CNTNAP2: variants seen among roughly 807,000 people sequenced by gnomAD.
The protein encoded by CNTNAP2 is contactin associated protein 2, also known as contactin-associated protein-like 2.
A neutral mutation model predicts 155.2 loss-of-function variants in CNTNAP2; 98 were observed. The ratio of observed to expected loss-of-function variants is 0.63; its 90% CI spans 0.54 to 0.75. CNTNAP2 has a LOEUF of 0.75. CNTNAP2 is among the 30% of genes least tolerant of loss of function. The pLI, the probability that CNTNAP2 is intolerant of heterozygous loss-of-function variation, is 0.00. For synonymous variants in CNTNAP2, 651 were observed against 631.2 expected, an observed-to-expected ratio of 1.03 and a Z score of -0.47; for missense variants, 1,727 against 1,688.1, an observed-to-expected ratio of 1.02 and a Z score of -0.40.
intron 1 of CNTNAP2, among the ~76,000 whole-genome samples, chr7:146,700,130 T>C (rs1384697772): frequency 2.2e-4 from 33 of 152,156 alleles, no homozygotes; most frequent in Admixed American, 2.2e-3. Context: ...CTTCCAAGAC[T>C]GGACCTCAAA....
At chr7:148,061,758 A>G (rs1803135388) in intron 15 of CNTNAP2, among the ~76,000 whole-genome samples, 1 of 152,090 alleles carries the variant, frequency 6.6e-6, no homozygotes. Flanking sequence ...CAGAAAGACT[A>G]AACAATATAA....
At chr7:146,960,445 T>C (rs1797533707) in intron 3 of CNTNAP2, among the ~76,000 whole-genome samples, 1 of 152,154 alleles carries the variant, frequency 6.6e-6, no homozygotes, top group African/African-American at 2.4e-5. Context: ...GTGCCTGTGC[T>C]GATTAAACTA....
intron 13 of CNTNAP2, among the ~76,000 whole-genome samples, chr7:147,842,008 T>C (rs1431339490): frequency 6.6e-6 from 1 of 152,228 alleles, no homozygotes; most frequent in African/African-American, 2.4e-5. Flanking sequence ...ACACAGTTTA[T>C]ATTGGTCAAA....
At position 147,879,349 on chromosome 7, in the gene CNTNAP2, C is replaced by G. The variant is rs79670010; in HGVS notation, c.2099-24216C>G. On this transcript the variant is annotated intron_variant, in intron 13 of 23. Transcript: ENST00000361727. ...GTCACAAAGCAGCTCTTTCCAGGAG[C>G]AAAATGAAGTTGTCAAGCAAGTATT... 2.7e-3 allele frequency among the ~76,000 whole-genome samples: 410 copies of G among 152,232 alleles called. 1 individual carries two copies. Among genetic ancestry groups the G allele is most frequent in the African/African-American group, 9.3e-3 (387 of 41,524 alleles).
chr7:148,097,982 A>G lies in CNTNAP2; in HGVS notation c.2384-20136A>G, dbSNP rs534552312. On this transcript the variant is annotated intron_variant, in intron 15 of 23. Coordinates refer to ENST00000361727, the MANE Select transcript of CNTNAP2 (RefSeq NM_014141.6). ...TACATGCTATAAAAATTACATGGAT[A>G]GAGAATGACCAAAGATGACTAGATT... Among the ~76,000 whole-genome samples, 10 of 152,356 alleles carry G rather than the reference A, an allele frequency of 6.6e-5. No individual in the cohort carries two copies. In the South Asian group the frequency reaches 1.4e-3, roughly 22 times the overall value.
chr7:147,621,478 TAAA>T (rs1794851627), intron 12 of CNTNAP2, among the ~76,000 whole-genome samples: 6 of 151,920 alleles, frequency 3.9e-5, no homozygotes, highest in Middle Eastern at 3.4e-3. Flanking sequence ...AACAAAAAGT[TAAA>T]AAGCAGAAGG....
chr7:148,292,522 A>G (rs1797205938), intron 21 of CNTNAP2, among the ~76,000 whole-genome samples: 1 of 152,218 alleles, frequency 6.6e-6, no homozygotes, highest in Non-Finnish European at 1.5e-5. Context: ...TGCTGAAGCC[A>G]CCAGCAGAGC....
In CNTNAP2 at chr7:148,375,575, G is replaced by A. The variant is rs995540876; in HGVS notation, c.3476-8074G>A. On this transcript the variant is annotated intron_variant, in intron 21 of 23. Transcript: ENST00000361727. ...GGGGTTTCACCATGTTGGCCAGGCT[G>A]GTCTCAAACTCCTGACCTCGTGATC... 1.3e-4 allele frequency among the ~76,000 whole-genome samples: 19 copies of A among 150,486 alleles called. No individual in the cohort carries two copies. The South Asian group carries it at 2.3e-3, about 18-fold the overall frequency.
chr7:147,082,705 T>C (rs1800161509), intron 4 of CNTNAP2: 2 of 152,204 alleles, frequency 1.3e-5, no homozygotes, highest in South Asian at 2.1e-4. Flanking sequence ...GTTTAATCTT[T>C]AGTTCTTACT....
At chr7:147,413,633 AT>A (rs1462773660) in intron 10 of CNTNAP2, among the ~76,000 whole-genome samples, 2 of 152,160 alleles carry the variant, frequency 1.3e-5, no homozygotes, top group African/African-American at 2.4e-5. Context: ...ACTTCTCAAT[AT>A]TTTAGGTGCA....
chr7:147,546,647 C>G (rs545900739), intron 11 of CNTNAP2, among the ~76,000 whole-genome samples: 1 of 152,080 alleles, frequency 6.6e-6, no homozygotes. Context: ...TTGTGTGACC[C>G]CTTGGAGCTT....
intron 17 of CNTNAP2, among the ~76,000 whole-genome samples, chr7:148,164,611 CTTTTTTTTTT>C (rs1175888434): frequency 2.1e-5 from 2 of 93,486 alleles, no homozygotes; most frequent in Admixed American, 1.3e-4. Flanking sequence ...TTTTCTCTCT[CTTTTTTTTTT>C]TTTTTTTTTT....
intron 1 of CNTNAP2, among the ~76,000 whole-genome samples, chr7:146,713,187 G>C (rs1801129060): frequency 6.6e-6 from 1 of 152,072 alleles, no homozygotes. Flanking sequence ...AATACTGAAA[G>C]AATTAACAGA....
At chr7:146,635,767 T>C (rs1429789715) in intron 1 of CNTNAP2, among the ~76,000 whole-genome samples, 2 of 151,894 alleles carry the variant, frequency 1.3e-5, no homozygotes, top group Non-Finnish European at 2.9e-5. Context: ...AGTCCTCCTT[T>C]TCTGCCTTTG....
At chr7:148,029,931 G>A (rs971582361) in intron 15 of CNTNAP2, among the ~76,000 whole-genome samples, 31 of 152,314 alleles carry the variant, frequency 2.0e-4, no homozygotes, top group Admixed American at 2.0e-4. Flanking sequence ...AGAACAGGGA[G>A]ATGTTCTAAG....
chr7:148,329,026 G>A lies in CNTNAP2; in HGVS notation c.3476-54623G>A, dbSNP rs1797941985. ...GGCCCAAACCATCCCAGGGAATTCA[G>A]TTCAAGCCACTTCTCCCTCACTGTG... On this transcript the variant is annotated intron_variant, in intron 21 of 23. Transcript: ENST00000361727. 2.1e-5 allele frequency among the ~76,000 whole-genome samples: 3 copies of A among 140,696 alleles called. No homozygotes were observed. The Admixed American group carries it at 2.2e-4, about 10-fold the overall frequency. 92.3% of individuals were successfully genotyped at this position (140,696 alleles called of 152,430 possible).
intron 3 of CNTNAP2, among the ~76,000 whole-genome samples, chr7:146,994,235 T>C (rs1798265190): frequency 6.6e-6 from 1 of 152,158 alleles, no homozygotes; most frequent in African/African-American, 2.4e-5. Flanking sequence ...TTCTAATGCA[T>C]TTATTGCAGG....
intron 15 of CNTNAP2, among the ~76,000 whole-genome samples, chr7:148,027,978 T>C (rs1187934882): frequency 6.6e-6 from 1 of 152,184 alleles, no homozygotes. Flanking sequence ...CTATAGATGA[T>C]ATCAAATCGA....
intron 14 of CNTNAP2, among the ~76,000 whole-genome samples, chr7:147,974,531 A>G (rs1447004362): frequency 6.6e-6 from 1 of 152,180 alleles, no homozygotes; most frequent in African/African-American, 2.4e-5. Context: ...AAGCTGAGGC[A>G]GGAGAATTGC....
Sources: gnomAD v4.1 joint callset for allele counts (sites outside exome capture counted in the v4.1 genomes callset) on GRCh38, gnomAD v4.1.1 for gene constraint, MANE v1.5 for transcripts, NCBI Gene and HGNC (gene_info 2026-07-23, HGNC 2026-07-21) for gene names.